Variants in DPYS observed in about 807,000 individuals in gnomAD.
DPYS encodes dihydropyrimidinase, also known as dihydropyrimidine amidohydrolase.
In DPYS, 39 loss-of-function variants were observed where a neutral mutation model predicts 50.3. The observed-to-expected ratio is 0.78, with a 90% confidence interval of 0.60 to 1.01. The LOEUF (loss-of-function observed/expected upper bound fraction) is 1.01. Ranked by LOEUF, DPYS falls within the 50% of genes least tolerant of loss-of-function variation. The pLI is 0.00. For missense variants in DPYS, 659 were observed against 680.9 expected, an observed-to-expected ratio of 0.97 and a Z score of 0.36; for synonymous variants, 245 against 250.7, an observed-to-expected ratio of 0.98 and a Z score of 0.22.
intron 1 of DPYS, among the ~76,000 whole-genome samples, chr8:104,465,193 T>C (rs1256787723): frequency 6.7e-6 from 1 of 148,654 alleles, no homozygotes; most frequent in Non-Finnish European, 1.5e-5. Context: ...AGTATATGAA[T>C]GAAGTAGCTA....
chr8:104,396,825 CAAA>C (rs5893686), intron 7 of DPYS, among the ~76,000 whole-genome samples: 1 of 131,618 alleles, frequency 7.6e-6, no homozygotes, highest in Non-Finnish European at 1.6e-5. Flanking sequence ...TGCCTCATAC[CAAA>C]AAAAAAAAAA....
chr8:104,406,589 C>T (rs1164220005), intron 7 of DPYS, among the ~76,000 whole-genome samples: 1 of 152,198 alleles, frequency 6.6e-6, no homozygotes, highest in Non-Finnish European at 1.5e-5. Flanking sequence ...CTTCATCTTT[C>T]CCTGTGGGGC....
intron 7 of DPYS, among the ~76,000 whole-genome samples, chr8:104,400,659 C>G (rs1811767106): frequency 6.6e-6 from 1 of 152,208 alleles, no homozygotes; most frequent in African/African-American, 2.4e-5. Flanking sequence ...TCCATGGTCA[C>G]TCTGCCCCAA....
intron 1 of DPYS, among the ~76,000 whole-genome samples, chr8:104,466,215 G>C (rs1814382949): frequency 6.6e-6 from 1 of 152,116 alleles, no homozygotes; most frequent in African/African-American, 2.4e-5. Context: ...TGGGGATAAA[G>C]GATGGGTCGA....
In DPYS at chr8:104,394,251, C is replaced by G. The variant is rs74351196; in HGVS notation, c.1236-1260G>C. Among the ~76,000 whole-genome samples the G allele has an allele frequency of 6.1e-3, 924 of 152,292 alleles. 11 individuals are homozygous for G. Among genetic ancestry groups the G allele is most frequent in the African/African-American group, 0.022 (904 of 41,544 alleles). Reference sequence around the variant, plus strand: ...TTGGAAGGGCTGATGAGGAAGCCCCCGCTGCTGTGTGCTGCAGTCCTAGTA... The same window carrying G: ...TTGGAAGGGCTGATGAGGAAGCCCCGGCTGCTGTGTGCTGCAGTCCTAGTA... On this transcript the variant is annotated intron_variant, in intron 7 of 9. Coordinates refer to ENST00000351513, the MANE Select transcript of DPYS (RefSeq NM_001385.3).
rs569701481 is a variant in DPYS, at chr8:104,418,930, C to T, written c.1235+5317G>A. The T allele has an allele frequency of 2.6e-4, 223 of 848,170 alleles. 1 individual carries two copies. In the East Asian group the frequency reaches 5.5e-3, roughly 21 times the overall value. The allele number at this position is 848,170 out of a possible 1,614,324, so 52.5% of individuals were successfully genotyped here. A position where few individuals can be genotyped will look rare whatever the true frequency, so the allele number is the denominator to read the frequency against. On this transcript the variant is annotated intron_variant, in intron 7 of 9. Transcript: ENST00000351513. ...CTGTTGTATAAGCTTGACCCTCAGC[C>T]TGCGGCTTGCCGAGGTGCTCCTGTG...
At chr8:104,384,009 T>C (rs1202690623) in intron 8 of DPYS, among the ~76,000 whole-genome samples, 1 of 152,166 alleles carries the variant, frequency 6.6e-6, no homozygotes, top group African/African-American at 2.4e-5. Flanking sequence ...GACCATCACA[T>C]GTCTCTGACC....
At chr8:104,448,793 G>A (rs144866738) in intron 2 of DPYS, among the ~76,000 whole-genome samples, 1 of 152,300 alleles carries the variant, frequency 6.6e-6, no homozygotes, top group East Asian at 1.9e-4. Flanking sequence ...TATTGAGTCA[G>A]CAAAGTTTAA....
At chr8:104,446,384 G>A (rs180740447) in intron 3 of DPYS, among the ~76,000 whole-genome samples, 83 of 152,274 alleles carry the variant, frequency 5.5e-4, no homozygotes, top group African/African-American at 1.9e-3. Flanking sequence ...GTGGATCCTT[G>A]TTGAAGTGAC....
intron 1 of DPYS, among the ~76,000 whole-genome samples, chr8:104,465,186 A>G (rs562565222): frequency 6.6e-6 from 1 of 151,944 alleles, no homozygotes; most frequent in South Asian, 2.1e-4. Context: ...AGAAATCAGT[A>G]TATGAATGAA....
At chr8:104,426,788 C>T (rs1337973112) in intron 6 of DPYS, among the ~76,000 whole-genome samples, 4 of 152,192 alleles carry the variant, frequency 2.6e-5, no homozygotes, top group South Asian at 2.1e-4. Flanking sequence ...GATTCTTCTC[C>T]GTCCTCAGGG....
chr8:104,445,155 G>A (rs1320954661), intron 3 of DPYS, among the ~76,000 whole-genome samples: 2 of 152,152 alleles, frequency 1.3e-5, no homozygotes, highest in East Asian at 1.9e-4. Flanking sequence ...ACCTATGTAC[G>A]CTGTTGGTGG....
intron 7 of DPYS, among the ~76,000 whole-genome samples, chr8:104,416,716 A>C (rs1812382554): frequency 6.6e-6 from 1 of 152,138 alleles, no homozygotes; most frequent in African/African-American, 2.4e-5. Context: ...ATTATAACGC[A>C]CAAATTAGTC....
rs78204667 is a variant in DPYS, at chr8:104,407,802, G to T, written c.1236-14811C>A. On this transcript the variant is annotated intron_variant, in intron 7 of 9. Transcript: ENST00000351513. Reference sequence around the variant, plus strand: ...TCTGGTTTCTCTCTTAAATGAGGGAGAATAATATACTAACTAGGCTTAAAA... The same window carrying T: ...TCTGGTTTCTCTCTTAAATGAGGGATAATAATATACTAACTAGGCTTAAAA... Among the ~76,000 whole-genome samples the T allele has an allele frequency of 5.9e-5, 9 of 152,118 alleles. No homozygotes were observed. The East Asian group carries it at 1.7e-3, about 29-fold the overall frequency.
chr8:104,466,833 C>T lies in DPYS; in HGVS notation c.88G>A (p.Gly30Ser), dbSNP rs1799233983. The change falls in exon 1 of 10, where the codon GGC (glycine) becomes AGC (serine). Residue 30 changes from glycine to serine, a missense_variant. Gly to Ser is a moderately conservative substitution (Grantham distance 56). Coordinates refer to ENST00000351513, the MANE Select transcript of DPYS (RefSeq NM_001385.3). ...TCGTGCCCGAGTGCCCGCACCACGC[C>T]GTCCTCCACCAGCACGTCGGCCACC... is the stretch of plus-strand genomic sequence containing the variant. ...SEVADVLVED[G>S]VVRALGHDLL... 2 of 1,533,096 alleles carry T rather than the reference C, an allele frequency of 1.3e-6. No homozygotes were observed. The highest frequency in any genetic ancestry group is 2.5e-5 in the East Asian group (1 of 40,668). The allele number at this position is 1,533,096 out of a possible 1,614,324, so 95.0% of individuals were successfully genotyped here. A position where few individuals can be genotyped will look rare whatever the true frequency, so the allele number is the denominator to read the frequency against.
chr8:104,393,971 G>A (rs557010178), intron 7 of DPYS, among the ~76,000 whole-genome samples: 8 of 152,126 alleles, frequency 5.3e-5, no homozygotes, highest in South Asian at 2.1e-4. Flanking sequence ...ACCCTTTCCC[G>A]CTGAGTCCCC....
At position 104,424,344 on chromosome 8, in the gene DPYS, T is replaced by A; in HGVS notation, c.1138A>T (p.Thr380Ser). 6.2e-7 allele frequency: 1 copy of A among 1,614,066 alleles called. No homozygotes were observed. The highest frequency in any genetic ancestry group is 1.1e-5 in the South Asian group (1 of 91,086). ...AGATTAAAAATTTTGGCTGCATTTG[T>A]GCTGGTAACTGCCACAAATCTGTTT... ...DENRFVAVTS[T>S]NAAKIFNLYP... Residue 380 changes from threonine (T) to serine (S), a missense_variant, in exon 7 of 10, where the codon ACA (threonine) becomes TCA (serine). By Grantham distance (58) the Thr-to-Ser change is moderately conservative (BLOSUM62 1). Transcript: ENST00000351513.
chr8:104,382,208 A>G (rs1482985753), intron 8 of DPYS, among the ~76,000 whole-genome samples: 1 of 152,182 alleles, frequency 6.6e-6, no homozygotes, highest in African/African-American at 2.4e-5. Flanking sequence ...CCAACACAGA[A>G]CAAGGCCCAC....
rs530423218 is a variant in DPYS at position 104,423,472 on chromosome 8, C to T, written c.1235+775G>A. ...CAATATTAGCCCAAGAAACCGTAGACTTTTTCTTACTACAATAAAAACCCT... is the reference window on the plus strand; with the variant it reads ...CAATATTAGCCCAAGAAACCGTAGATTTTTTCTTACTACAATAAAAACCCT... On this transcript the variant is annotated intron_variant, in intron 7 of 9. Transcript: ENST00000351513. Among the ~76,000 whole-genome samples the T allele has an allele frequency of 2.6e-5, 4 of 152,308 alleles. No individual in the cohort carries two copies. The South Asian group carries it at 6.2e-4, about 24-fold the overall frequency.
Sources: gnomAD v4.1 joint callset for allele counts (sites outside exome capture counted in the v4.1 genomes callset) on GRCh38, gnomAD v4.1.1 for gene constraint, MANE v1.5 for transcripts, NCBI Gene and HGNC (gene_info 2026-07-23, HGNC 2026-07-21) for gene names.